The following RARB variants were observed in gnomAD, a reference collection of about 807,000 sequenced individuals.
The protein encoded by RARB is retinoic acid receptor beta.
In RARB, 17 loss-of-function variants were observed where a neutral mutation model predicts 51.9. That is an observed-to-expected ratio of 0.33 (90% CI 0.22 to 0.49). The LOEUF (loss-of-function observed/expected upper bound fraction) is 0.49, where lower values mean the gene tolerates loss of function less well. Among genes scored for constraint, RARB ranks in the 20% least tolerant of loss-of-function variants. The pLI, the probability that RARB is intolerant of heterozygous loss-of-function variation, is 0.99. For synonymous variants in RARB, 215 were observed against 195.4 expected, an observed-to-expected ratio of 1.10 and a Z score of -0.84; for missense variants, 369 against 550.8, an observed-to-expected ratio of 0.67 and a Z score of 3.30.
intron 3 of RARB, among the ~76,000 whole-genome samples, chr3:25,559,400 C>T (rs1005083571): frequency 6.6e-6 from 1 of 152,182 alleles, no homozygotes; most frequent in Non-Finnish European, 1.5e-5. Flanking sequence ...ATCTGTGAGT[C>T]TCAGTACCAT....
chr3:25,381,675 T>A (rs1575357963), intron 5 of RARB, among the ~76,000 whole-genome samples: 1 of 152,244 alleles, frequency 6.6e-6, no homozygotes, highest in East Asian at 1.9e-4. Context: ...CTTGAAAAGG[T>A]CCTAAAGCCA....
At chr3:25,248,191 C>G (rs1485307133) in intron 5 of RARB, among the ~76,000 whole-genome samples, 1 of 152,124 alleles carries the variant, frequency 6.6e-6, no homozygotes, top group South Asian at 2.1e-4. Context: ...TATAGCTACT[C>G]CTGCTCATTT....
chr3:24,857,769 A>T (rs1267913715), intron 1 of RARB, among the ~76,000 whole-genome samples: 3 of 152,128 alleles, frequency 2.0e-5, no homozygotes, highest in African/African-American at 7.2e-5. Context: ...AACAAAACAA[A>T]ACAAAAAATA....
chr3:25,181,428 T>C (rs530551726), intron 5 of RARB, among the ~76,000 whole-genome samples: 3 of 152,286 alleles, frequency 2.0e-5, no homozygotes, highest in Non-Finnish European at 4.4e-5. Flanking sequence ...TGCGGAATGA[T>C]TGAATCAATG....
chr3:24,976,572 T>C (rs1242115979), intron 2 of RARB, among the ~76,000 whole-genome samples: 2 of 152,376 alleles, frequency 1.3e-5, no homozygotes, highest in Middle Eastern at 3.4e-3. Context: ...TGTCTTCTTT[T>C]GAGAAGTGTC....
At chr3:25,375,758 T>C (rs754530628) in intron 5 of RARB, among the ~76,000 whole-genome samples, 13 of 152,170 alleles carry the variant, frequency 8.5e-5, no homozygotes, top group Non-Finnish European at 1.5e-4. Flanking sequence ...AGATGTATGC[T>C]GGGATGCATG....
At chr3:24,852,822 A>G (rs1379947481) in intron 1 of RARB, among the ~76,000 whole-genome samples, 1 of 152,180 alleles carries the variant, frequency 6.6e-6, no homozygotes, top group African/African-American at 2.4e-5. Context: ...GAGAAAGTAA[A>G]TTAGTGTTTG....
chr3:25,578,143 G>T (rs1460161415), intron 4 of RARB, among the ~76,000 whole-genome samples: 1 of 152,196 alleles, frequency 6.6e-6, no homozygotes, highest in Non-Finnish European at 1.5e-5. Context: ...CGCTTCGCTG[G>T]TGCTCCCCAC....
Position 25,453,271 on chromosome 3 carries a change from CA to C in RARB, c.158-7921del, listed in dbSNP as rs1225716070. ...TTTTTTTTTTTTTTTTTTTTTGAGA[CA>C]GTTTCGCTCTTGCTGTGCAGGCTGG... On this transcript the variant is annotated intron_variant, in intron 1 of 7. Coordinates refer to ENST00000330688, the MANE Select transcript of RARB (RefSeq NM_000965.5). Among the ~76,000 whole-genome samples, 278 of 102,046 alleles carry C rather than the reference CA, an allele frequency of 2.7e-3. 2 individuals carry two copies. Among genetic ancestry groups the C allele is most frequent in the African/African-American group, 9.9e-3 (250 of 25,316 alleles). The allele number at this position is 102,046 out of a possible 152,430, so 66.9% of individuals were successfully genotyped here. A position where few individuals can be genotyped will look rare whatever the true frequency, so the allele number is the denominator to read the frequency against.
chr3:25,305,048 G>C (rs1167710783), intron 5 of RARB, among the ~76,000 whole-genome samples: 1 of 152,158 alleles, frequency 6.6e-6, no homozygotes. Context: ...GATTTTCACA[G>C]TGTGCACAAC....
chr3:25,522,399 C>T (rs1026586730), intron 3 of RARB, among the ~76,000 whole-genome samples: 2 of 152,124 alleles, frequency 1.3e-5, no homozygotes, highest in African/African-American at 4.8e-5. Context: ...ACACCCATCA[C>T]CCTCCTCTGT....
chr3:25,577,118 C>T (rs1226815181), intron 4 of RARB, among the ~76,000 whole-genome samples: 5 of 152,128 alleles, frequency 3.3e-5, no homozygotes, highest in Non-Finnish European at 7.3e-5. Context: ...ATGTGAGGAA[C>T]CAGTAGGGAG....
chr3:25,044,606 T>C (rs769930438), intron 2 of RARB, among the ~76,000 whole-genome samples: 3 of 152,222 alleles, frequency 2.0e-5, no homozygotes, highest in Non-Finnish European at 4.4e-5. Context: ...GCCTGGCTTA[T>C]AATAAATACT....
At chr3:24,999,982 T>C (rs1036638092) in intron 2 of RARB, among the ~76,000 whole-genome samples, 1 of 103,318 alleles carries the variant, frequency 9.7e-6, no homozygotes, top group African/African-American at 4.1e-5. Flanking sequence ...TCTTGAATCA[T>C]AAATTCACTC....
intron 2 of RARB, among the ~76,000 whole-genome samples, chr3:24,893,584 C>G (rs1703427290): frequency 6.6e-6 from 1 of 152,118 alleles, no homozygotes; most frequent in Non-Finnish European, 1.5e-5. Flanking sequence ...TGCAGTAGAT[C>G]ATAGCTCACT....
intron 5 of RARB, among the ~76,000 whole-genome samples, chr3:25,385,903 A>G (rs1454083759): frequency 1.3e-5 from 2 of 152,194 alleles, no homozygotes; most frequent in Non-Finnish European, 2.9e-5. Context: ...CACCGTGATC[A>G]GTGCTTAAAG....
chr3:24,926,747 A>C (rs543617140), intron 2 of RARB, among the ~76,000 whole-genome samples: 56 of 151,430 alleles, frequency 3.7e-4, no homozygotes, highest in Non-Finnish European at 6.5e-4. Flanking sequence ...ATGCCCTTAC[A>C]AATCAGAGCT....
intron 3 of RARB, among the ~76,000 whole-genome samples, chr3:25,088,669 A>G (rs1172590506): frequency 6.6e-6 from 1 of 152,170 alleles, no homozygotes; most frequent in African/African-American, 2.4e-5. Flanking sequence ...AATAGATGTT[A>G]AAGCTAATGT....
chr3:25,418,682 T>C (rs1707774552), intron 5 of RARB, among the ~76,000 whole-genome samples: 1 of 151,828 alleles, frequency 6.6e-6, no homozygotes, highest in Non-Finnish European at 1.5e-5. Flanking sequence ...AGAAGAGAGA[T>C]TGGACTAACT....
Sources: allele counts gnomAD v4.1 joint callset (sites outside exome capture counted in the v4.1 genomes callset), GRCh38; gene constraint gnomAD v4.1.1; transcripts MANE v1.5; gene names NCBI Gene and HGNC (gene_info 2026-07-23, HGNC 2026-07-21).